The following CHD6 variants were observed in gnomAD, a reference collection of about 807,000 sequenced individuals.
CHD6 encodes the protein ATP-dependent chromatin remodeler CHD6.
In CHD6, 50 loss-of-function variants were observed where a neutral mutation model predicts 276.9. That is an observed-to-expected ratio of 0.18 (90% confidence interval 0.14 to 0.23). CHD6 has a LOEUF of 0.23. CHD6 is among the 10% of genes least tolerant of loss of function. The probability of loss-of-function intolerance (pLI) is 1.00; values close to 1 mark genes in which losing one functional copy is unlikely to be tolerated. For synonymous variants in CHD6, 1,173 were observed against 1,229.3 expected (o/e 0.95, Z 0.96); for missense variants, 2,564 against 3,365.8 (o/e 0.76, Z 5.89).
chr20:41,405,230 G>A lies in CHD6; in HGVS notation c.7511C>T (p.Thr2504Met), dbSNP rs150243429. The change falls in exon 37 of 37, where the codon ACG (threonine) becomes ATG (methionine). Residue 2504 changes from threonine to methionine, a missense_variant. Thr to Met is a moderately conservative substitution (Grantham distance 81). Around this residue, in one of 7 missense-constraint regions of CHD6, gnomAD observed 25 missense variants for 50.8 expected, o/e 0.49. Coordinates refer to ENST00000373233, the MANE Select transcript of CHD6 (RefSeq NM_032221.5). ...GLVGFPAGFA[T>M]MPTGEEVKST... ...TTTGACCTCTTCACCTGTTGGCATC[G>A]TGGCAAAGCCAGCTGGAAACCCCAC... is the stretch of plus-strand genomic sequence containing the variant. 1.1e-4 allele frequency: 170 copies of A among 1,614,076 alleles called. 1 individual carries two copies. The highest frequency in any genetic ancestry group is 1.3e-4 in the Non-Finnish European group (152 of 1,180,048).
At chr20:41,444,024 T>C (rs6093483) in intron 25 of CHD6, among the ~76,000 whole-genome samples, 2,447 of 152,314 alleles carry the variant, frequency 0.016, 57 homozygotes, top group African/African-American at 0.057. Context: ...CAGCATGTTG[T>C]TGCCATGCAG....
intron 17 of CHD6, among the ~76,000 whole-genome samples, chr20:41,464,796 G>A (rs2042881864): frequency 6.6e-6 from 1 of 152,110 alleles, no homozygotes; most frequent in African/African-American, 2.4e-5. Context: ...AGGATCGTTG[G>A]AGAATGGTCA....
intron 5 of CHD6, among the ~76,000 whole-genome samples, chr20:41,504,426 T>TTTTTTTTA (rs2043926591): frequency 7.5e-6 from 1 of 132,664 alleles, no homozygotes; most frequent in African/African-American, 2.8e-5. Flanking sequence ...TTTTTTTTTT[T>TTTTTTTTA]AGACAGGATC....
At chr20:41,425,458 T>C (rs2047332755) in intron 28 of CHD6, 64 bp from the exon 29 acceptor site, 1 of 1,458,052 alleles carries the variant, frequency 6.9e-7, no homozygotes, top group Non-Finnish European at 9.4e-7. Flanking sequence ...GACTGTCTTT[T>C]GGTTTTGTTT....
intron 1 of CHD6, among the ~76,000 whole-genome samples, chr20:41,575,507 T>C (rs2045464896): frequency 6.6e-6 from 1 of 152,194 alleles, no homozygotes; most frequent in African/African-American, 2.4e-5. Context: ...TGGCTGCAAC[T>C]GCATACTTAA....
intron 5 of CHD6, among the ~76,000 whole-genome samples, chr20:41,506,665 T>C (rs1321433949): frequency 1.3e-5 from 2 of 152,236 alleles, no homozygotes; most frequent in Non-Finnish European, 2.9e-5. Flanking sequence ...CCTCTCTCTA[T>C]TTACTTCTAC....
At chr20:41,573,875 A>G (rs1252282651) in intron 1 of CHD6, among the ~76,000 whole-genome samples, 2 of 152,288 alleles carry the variant, frequency 1.3e-5, no homozygotes, top group East Asian at 3.9e-4. Flanking sequence ...CTCTAGAGAA[A>G]TCAATTCAGG....
At chr20:41,416,007 G>A (rs2046983429) in intron 33 of CHD6, among the ~76,000 whole-genome samples, 2 of 152,204 alleles carry the variant, frequency 1.3e-5, no homozygotes, top group African/African-American at 4.8e-5. Context: ...ACTCCAGACT[G>A]AATAAGTCAG....
rs2046636886 is a variant in CHD6 at position 41,405,192 on chromosome 20, T to C, written c.7549A>G (p.Met2517Val). 2 of 1,614,198 alleles carry C rather than the reference T, an allele frequency of 1.2e-6. No individual in the cohort carries two copies. The highest frequency in any genetic ancestry group is 4.5e-5 in the East Asian group (2 of 44,876). Reference sequence around the variant, plus strand: ...ATGCCTGGCAGCATCATGGGCAGCATGCTCAGGGTACTTTTGACCTCTTCA... The same window carrying C: ...ATGCCTGGCAGCATCATGGGCAGCACGCTCAGGGTACTTTTGACCTCTTCA... The part of the protein sequence containing the change: ...TGEEVKSTLS[M>V]LPMMLPGMAA... The change falls in exon 37 of 37, where the codon ATG (methionine) becomes GTG (valine). Residue 2517 changes from methionine (M) to valine (V), a missense_variant. Transcript: ENST00000373233.
chr20:41,521,888 G>C (rs1398396926), intron 3 of CHD6, among the ~76,000 whole-genome samples: 2 of 152,154 alleles, frequency 1.3e-5, no homozygotes, highest in Non-Finnish European at 2.9e-5. Context: ...GAGACCATCT[G>C]AACACCAAAG....
intron 6 of CHD6, among the ~76,000 whole-genome samples, chr20:41,498,464 C>T (rs948177960): frequency 8.5e-5 from 13 of 152,098 alleles, no homozygotes; most frequent in South Asian, 2.1e-4. Flanking sequence ...TAGGCTGGGA[C>T]GGCACTCAGC....
rs61756303 is a variant in CHD6 at position 41,533,232 on chromosome 20, C to G, written c.372G>C (p.Pro124=). ...CCTTTCTGGGTTCCTTTGGCTCTTT[C>G]GGTTCTCGTTTCCTCTTTGGCTTGG... ...REPKPKRKRE[P]KEPKEPRKAK... The change falls in exon 3 of 37, where the codon CCG becomes CCC. Residue 124 remains proline (P), a synonymous_variant. Transcript: ENST00000373233. 6.2e-7 allele frequency: 1 copy of G among 1,613,498 alleles called. No homozygotes were observed. The highest frequency in any genetic ancestry group is 1.7e-5 in the Admixed American group (1 of 59,892).
At chr20:41,543,873 C>T (rs2044991411) in intron 2 of CHD6, among the ~76,000 whole-genome samples, 1 of 152,148 alleles carries the variant, frequency 6.6e-6, no homozygotes, top group South Asian at 2.1e-4. Flanking sequence ...ATGAAAAAGA[C>T]GTTCCTGTTG....
At chr20:41,415,724 G>A in intron 33 of CHD6, 86 bp from the exon 34 acceptor site, 1 of 994,258 alleles carries the variant, frequency 1.0e-6, no homozygotes, top group Non-Finnish European at 1.5e-6. Context: ...ATTTCCCTAG[G>A]CCTCATATTG....
At chr20:41,553,660 C>T (rs1295836623) in intron 1 of CHD6, among the ~76,000 whole-genome samples, 3 of 152,214 alleles carry the variant, frequency 2.0e-5, no homozygotes, top group Non-Finnish European at 2.9e-5. Context: ...TCTGCTTTTC[C>T]TTTGTTCAGG....
chr20:41,485,142 C>T (rs2043383151), intron 14 of CHD6, among the ~76,000 whole-genome samples: 1 of 152,132 alleles, frequency 6.6e-6, no homozygotes, highest in Non-Finnish European at 1.5e-5. Flanking sequence ...GTGACATCTA[C>T]TCTATCATGG....
chr20:41,544,505 TAAA>T (rs1313648679), intron 2 of CHD6, among the ~76,000 whole-genome samples: 4 of 152,150 alleles, frequency 2.6e-5, no homozygotes, highest in African/African-American at 9.7e-5. Flanking sequence ...CATAGGATTT[TAAA>T]ATTAGCAGCT....
At chr20:41,537,504 G>A (rs2044858190) in intron 2 of CHD6, among the ~76,000 whole-genome samples, 1 of 152,156 alleles carries the variant, frequency 6.6e-6, no homozygotes, top group Admixed American at 6.5e-5. Context: ...TGGTATTCAT[G>A]TAAGGCGTTA....
At chr20:41,536,239 A>G (rs1019855287) in intron 2 of CHD6, among the ~76,000 whole-genome samples, 4 of 152,364 alleles carry the variant, frequency 2.6e-5, no homozygotes, top group East Asian at 1.9e-4. Flanking sequence ...TTTACAAATT[A>G]TAACAACAGT....
Sources: gnomAD v4.1 joint callset for allele counts (sites outside exome capture counted in the v4.1 genomes callset) on GRCh38, gnomAD v4.1.1 for gene constraint, gnomAD v4.1.1 regional missense constraint, MANE v1.5 for transcripts, NCBI Gene and HGNC (gene_info 2026-07-23, HGNC 2026-07-21) for gene names.